Variants in MAP7 observed in about 807,000 individuals in gnomAD.
The protein encoded by MAP7 is microtubule associated protein 7, also known as ensconsin.
In MAP7, 52 loss-of-function variants were observed where a neutral mutation model predicts 94.8. The observed-to-expected ratio is 0.55, with a 90% CI of 0.44 to 0.69. The LOEUF (loss-of-function observed/expected upper bound fraction) is 0.69. Among genes scored for constraint, MAP7 ranks in the 30% least tolerant of loss-of-function variants. MAP7 has a pLI of 0.00. For missense variants in MAP7, 940 were observed against 964.6 expected, an observed-to-expected ratio of 0.97 and a Z score of 0.34; for synonymous variants, 350 against 357.0, an observed-to-expected ratio of 0.98 and a Z score of 0.22.
At position 136,366,159 on chromosome 6, in the gene MAP7, G is replaced by A. The variant is rs1481370960; in HGVS notation, c.990-141C>T. On this transcript the variant is annotated intron_variant, in intron 9 of 17. Coordinates refer to ENST00000354570, the MANE Select transcript of MAP7 (RefSeq NM_003980.6). ...TTTATGTGGTAGATACAGAAATAGA[G>A]TTGCTTTAGGGAACCATTCCAATTT... 2.8e-6 allele frequency: 3 copies of A among 1,062,330 alleles called. No homozygotes were observed. In the African/African-American group the frequency reaches 4.8e-5, roughly 17 times the overall value. The allele number at this position is 1,062,330 out of a possible 1,614,324, so 65.8% of individuals were successfully genotyped here. A position where few individuals can be genotyped will look rare whatever the true frequency, so the allele number is the denominator to read the frequency against.
chr6:136,380,707 C>T (rs533625341), intron 6 of MAP7, among the ~76,000 whole-genome samples: 1 of 152,176 alleles, frequency 6.6e-6, no homozygotes, highest in African/African-American at 2.4e-5. Context: ...TTACAGAAAC[C>T]TTTCATAATC....
intron 7 of MAP7, among the ~76,000 whole-genome samples, chr6:136,374,464 C>T (rs962243072): frequency 6.6e-6 from 1 of 152,200 alleles, no homozygotes; most frequent in East Asian, 1.9e-4. Context: ...GCTCAGGGCA[C>T]AGCCGGAGGC....
chr6:136,494,200 A>G, intron 1 of MAP7, among the ~76,000 whole-genome samples: 1 of 152,202 alleles, frequency 6.6e-6, no homozygotes, highest in Non-Finnish European at 1.5e-5. Context: ...ATAGACTGTT[A>G]CTTAGGAAAC....
intron 3 of MAP7, among the ~76,000 whole-genome samples, chr6:136,395,354 CTA>C (rs1312125833): frequency 1.4e-5 from 2 of 141,462 alleles, no homozygotes; most frequent in African/African-American, 2.6e-5. Flanking sequence ...TTGGTTATTT[CTA>C]TGTCTTCTTT....
At chr6:136,407,885 A>T (rs1341593513) in intron 3 of MAP7, among the ~76,000 whole-genome samples, 4 of 152,292 alleles carry the variant, frequency 2.6e-5, no homozygotes, top group African/African-American at 9.6e-5. Context: ...TCTTGGGGCC[A>T]AAAAAACCCA....
intron 1 of MAP7, among the ~76,000 whole-genome samples, chr6:136,444,865 TCAATTC>T (rs1562407291): frequency 6.6e-6 from 1 of 152,210 alleles, no homozygotes; most frequent in South Asian, 2.1e-4. Context: ...ACTTGAAGCT[TCAATTC>T]TGGGCCTTTC....
intron 1 of MAP7, among the ~76,000 whole-genome samples, chr6:136,445,557 A>G (rs1194822365): frequency 6.6e-6 from 1 of 152,156 alleles, no homozygotes; most frequent in East Asian, 1.9e-4. Context: ...CTGTTAATCT[A>G]TCTTGTGTTA....
chr6:136,409,122 T>A (rs1786548695), intron 3 of MAP7, among the ~76,000 whole-genome samples: 1 of 151,708 alleles, frequency 6.6e-6, no homozygotes. Context: ...AAGAAAAAAA[T>A]TAGAATGGAT....
intron 1 of MAP7, among the ~76,000 whole-genome samples, chr6:136,522,857 C>G (rs111872238): frequency 3.6e-4 from 55 of 152,214 alleles, no homozygotes; most frequent in African/African-American, 1.3e-3. Context: ...ATAGCAAGAT[C>G]CCATCCCTAC....
At chr6:136,417,648 C>G (rs1036009847) in intron 2 of MAP7, among the ~76,000 whole-genome samples, 4 of 152,066 alleles carry the variant, frequency 2.6e-5, no homozygotes, top group African/African-American at 9.7e-5. Flanking sequence ...AATGAAAAAA[C>G]TCAGAGAAAT....
intron 1 of MAP7, among the ~76,000 whole-genome samples, chr6:136,520,993 G>T (rs1294593631): frequency 6.6e-6 from 1 of 152,120 alleles, no homozygotes; most frequent in Admixed American, 6.6e-5. Flanking sequence ...CAATGACTAC[G>T]GTAATGTAGA....
At chr6:136,523,612 T>C (rs1224878318) in intron 1 of MAP7, among the ~76,000 whole-genome samples, 1 of 152,232 alleles carries the variant, frequency 6.6e-6, no homozygotes, top group Non-Finnish European at 1.5e-5. Flanking sequence ...TCCACGGTTA[T>C]CTGGTTATTT....
At chr6:136,358,814 T>G (rs1254202324) in intron 15 of MAP7, among the ~76,000 whole-genome samples, 1 of 152,132 alleles carries the variant, frequency 6.6e-6, no homozygotes, top group Non-Finnish European at 1.5e-5. Flanking sequence ...GCATGTACAA[T>G]CATGAAGACC....
chr6:136,433,684 C>G (rs1223001644), intron 1 of MAP7, among the ~76,000 whole-genome samples: 1 of 152,164 alleles, frequency 6.6e-6, no homozygotes. Context: ...TTTTGCAAGC[C>G]TAACCTGCAT....
intron 1 of MAP7, among the ~76,000 whole-genome samples, chr6:136,492,059 A>C (rs1165538340): frequency 6.6e-6 from 1 of 152,104 alleles, no homozygotes; most frequent in Non-Finnish European, 1.5e-5. Context: ...GTAAACAAAT[A>C]GCTATAATGC....
At chr6:136,362,775 C>G (rs1048663677) in intron 10 of MAP7, 73 bp from the exon 11 acceptor site, 19 of 1,503,084 alleles carry the variant, frequency 1.3e-5, no homozygotes, top group Non-Finnish European at 1.6e-5. Flanking sequence ...CTAGCATTCC[C>G]CACATCCAAG....
At chr6:136,493,121 C>CTTTTTTTTTTTT (rs397795796) in intron 1 of MAP7, among the ~76,000 whole-genome samples, 11 of 123,338 alleles carry the variant, frequency 8.9e-5, no homozygotes, top group East Asian at 2.5e-4. Flanking sequence ...TTCTTCTTTC[C>CTTTTTTTTTTTT]TTTTTTTTTT....
chr6:136,346,890 C>T (rs191286939), intron 16 of MAP7, among the ~76,000 whole-genome samples: 15 of 152,280 alleles, frequency 9.9e-5, no homozygotes, highest in Non-Finnish European at 1.6e-4. Context: ...TAAGCCATTT[C>T]GCACACTTTC....
At chr6:136,395,407 GATT>G (rs1782156597) in intron 3 of MAP7, among the ~76,000 whole-genome samples, 1 of 102,752 alleles carries the variant, frequency 9.7e-6, no homozygotes, top group African/African-American at 3.8e-5. Flanking sequence ...TTTTAATTTG[GATT>G]TTTTTTTTTT....
Sources: gnomAD v4.1 joint callset for allele counts (sites outside exome capture counted in the v4.1 genomes callset) on GRCh38, gnomAD v4.1.1 for gene constraint, MANE v1.5 for transcripts, NCBI Gene and HGNC (gene_info 2026-07-23, HGNC 2026-07-21) for gene names.